Variants in CCDC73 observed in about 807,000 individuals in gnomAD.
CCDC73 encodes the protein coiled-coil domain containing 73.
In CCDC73, 95 loss-of-function variants were observed where a neutral mutation model predicts 116.5. The observed-to-expected ratio is 0.82, with a 90% CI of 0.69 to 0.97. The LOEUF (loss-of-function observed/expected upper bound fraction) is 0.97, where lower values mean the gene tolerates loss of function less well. CCDC73 is among the 50% of genes least tolerant of loss of function. The pLI, the probability that CCDC73 is intolerant of heterozygous loss-of-function variation, is 0.00. For missense variants in CCDC73, 1,066 were observed against 1,206.8 expected (o/e 0.88, Z 1.73); for synonymous variants, 398 against 401.3 (o/e 0.99, Z 0.10).
chr11:32,674,120 C>A (rs1268290524), intron 9 of CCDC73, among the ~76,000 whole-genome samples: 1 of 152,102 alleles, frequency 6.6e-6, no homozygotes, highest in Non-Finnish European at 1.5e-5. Flanking sequence ...TATACATAAG[C>A]CTTCAAAAGG....
intron 2 of CCDC73, among the ~76,000 whole-genome samples, chr11:32,752,942 G>A (rs1410264773): frequency 6.6e-6 from 1 of 151,854 alleles, no homozygotes; most frequent in Non-Finnish European, 1.5e-5. Context: ...AGGTAGCTAG[G>A]ACTATGGGCA....
intron 9 of CCDC73, among the ~76,000 whole-genome samples, chr11:32,671,398 CAAA>C (rs58075036): frequency 2.1e-4 from 26 of 122,408 alleles, no homozygotes; most frequent in Admixed American, 2.4e-4. Flanking sequence ...AACTTTGCTC[CAAA>C]AAAAAAAAAA....
chr11:32,752,759 G>A (rs887133453), intron 2 of CCDC73, among the ~76,000 whole-genome samples: 1 of 152,078 alleles, frequency 6.6e-6, no homozygotes, highest in African/African-American at 2.4e-5. Flanking sequence ...TTGTAAATAA[G>A]ATATTGATTT....
chr11:32,816,808 A>C, the CCDC73 span, among the ~76,000 whole-genome samples: 3 of 151,724 alleles, frequency 2.0e-5, no homozygotes, highest in African/African-American at 7.3e-5. Context: ...TTTGAGATGG[A>C]GTTTCACTCT....
At chr11:32,772,077 AG>A (rs1269927506) in intron 1 of CCDC73, among the ~76,000 whole-genome samples, 1 of 152,244 alleles carries the variant, frequency 6.6e-6, no homozygotes. Context: ...CAAGACCAGC[AG>A]AAAAACATTC....
chr11:32,664,985 T>A (rs1343466010), intron 9 of CCDC73, among the ~76,000 whole-genome samples: 1 of 152,270 alleles, frequency 6.6e-6, no homozygotes, highest in Admixed American at 6.5e-5. Context: ...AGTTTCTTAA[T>A]CCTGAGTTCT....
At chr11:32,678,124 C>T (rs953641136) in intron 7 of CCDC73, among the ~76,000 whole-genome samples, 8 of 151,780 alleles carry the variant, frequency 5.3e-5, no homozygotes, top group Admixed American at 5.2e-4. Context: ...ACTAAAAATA[C>T]AAAAATTAGC....
intron 14 of CCDC73, among the ~76,000 whole-genome samples, chr11:32,634,568 G>C (rs1450789627): frequency 6.6e-6 from 1 of 152,108 alleles, no homozygotes; most frequent in African/African-American, 2.4e-5. Flanking sequence ...AAGAAATGGT[G>C]AAAGACTAGT....
chr11:32,827,117 G>T, the CCDC73 span, among the ~76,000 whole-genome samples: 1 of 152,056 alleles, frequency 6.6e-6, no homozygotes, highest in African/African-American at 2.4e-5. Context: ...GCCCGCCTAG[G>T]CCTCCCAAAG....
At chr11:32,729,396 ATATTTTATTTATCC>A (rs1425949341) in intron 2 of CCDC73, among the ~76,000 whole-genome samples, 2 of 152,198 alleles carry the variant, frequency 1.3e-5, no homozygotes, top group Non-Finnish European at 2.9e-5. Context: ...TGTATATACC[ATATTTTATTTATCC>A]TGTCTATCAC....
At chr11:32,717,700 C>G (rs1320939133) in intron 3 of CCDC73, among the ~76,000 whole-genome samples, 1 of 152,126 alleles carries the variant, frequency 6.6e-6, no homozygotes, top group African/African-American at 2.4e-5. Context: ...AAAATACTCA[C>G]TGTATTAGTT....
chr11:32,665,291 C>T (rs1392635799), intron 9 of CCDC73, among the ~76,000 whole-genome samples: 2 of 151,890 alleles, frequency 1.3e-5, no homozygotes, highest in Non-Finnish European at 2.9e-5. Flanking sequence ...GTGTGGGAGT[C>T]TAAGTCTCTT....
intron 3 of CCDC73, among the ~76,000 whole-genome samples, chr11:32,714,972 T>C (rs1455218950): frequency 6.6e-6 from 1 of 152,150 alleles, no homozygotes. Context: ...CAAAGTTGAA[T>C]GGTTGTGACA....
chr11:32,605,590 T>C (rs1413987325), intron 17 of CCDC73: 1 of 152,216 alleles, frequency 6.6e-6, no homozygotes, highest in Non-Finnish European at 1.5e-5. Context: ...AAAATCCTGA[T>C]TCTTTGACTT....
rs1318905949 is a variant in CCDC73, at chr11:32,602,801, C to T, written c.*10G>A. The T allele has an allele frequency of 2.0e-6, 3 of 1,537,776 alleles. No individual in the cohort carries two copies. Among genetic ancestry groups the T allele is most frequent in the Non-Finnish European group, 2.6e-6 (3 of 1,133,292 alleles). On this transcript the variant is annotated 3_prime_UTR_variant, in exon 18 of 18. Transcript: ENST00000335185. ...TTACATAATTTCACTACTGAAAGCA[C>T]TTATCTACATTATTTTAATCTGTTG... is the stretch of plus-strand genomic sequence containing the variant.
the CCDC73 span, among the ~76,000 whole-genome samples, chr11:32,820,610 A>G: frequency 6.6e-6 from 1 of 152,198 alleles, no homozygotes; most frequent in Admixed American, 6.5e-5. Flanking sequence ...TAAGGCAATA[A>G]TCTCTTGTTA....
At chr11:32,766,680 G>A (rs967760951) in intron 1 of CCDC73, among the ~76,000 whole-genome samples, 2 of 152,032 alleles carry the variant, frequency 1.3e-5, no homozygotes, top group South Asian at 4.1e-4. Flanking sequence ...CCAATAACAG[G>A]CAAACAGAGA....
intron 2 of CCDC73, among the ~76,000 whole-genome samples, chr11:32,744,289 G>A (rs992696663): frequency 8.5e-5 from 13 of 152,194 alleles, no homozygotes; most frequent in Non-Finnish European, 2.9e-5. Context: ...GCTTTTTGAT[G>A]TGCTGCTGGA....
the CCDC73 span, among the ~76,000 whole-genome samples, chr11:32,818,665 A>G: frequency 6.6e-6 from 1 of 152,242 alleles, no homozygotes; most frequent in Non-Finnish European, 1.5e-5. Context: ...CCAAATGTCT[A>G]TCAGCTAATG....
Sources: gnomAD v4.1 joint callset for allele counts (sites outside exome capture counted in the v4.1 genomes callset) on GRCh38, gnomAD v4.1.1 for gene constraint, MANE v1.5 for transcripts, NCBI Gene and HGNC (gene_info 2026-07-23, HGNC 2026-07-21) for gene names.